The following ZFHX4 variants were observed in gnomAD, a reference collection of about 807,000 sequenced individuals.
ZFHX4 encodes the protein zinc finger homeobox 4.
In ZFHX4, 56 loss-of-function variants were observed where a neutral mutation model predicts 267.6. That is an observed-to-expected ratio of 0.21 (90% confidence interval 0.17 to 0.26). ZFHX4 has a LOEUF of 0.26. Among genes scored for constraint, ZFHX4 ranks in the 10% least tolerant of loss-of-function variants. The pLI is 1.00. For missense variants in ZFHX4, 4,332 were observed against 4,420.0 expected, an observed-to-expected ratio of 0.98 and a Z score of 0.56; for synonymous variants, 1,778 against 1,665.6, an observed-to-expected ratio of 1.07 and a Z score of -1.64.
At chr8:76,786,380 T>C (rs1181328879) in intron 4 of ZFHX4, among the ~76,000 whole-genome samples, 3 of 150,654 alleles carry the variant, frequency 2.0e-5, no homozygotes, top group Non-Finnish European at 4.4e-5. Context: ...AAGTATCTAG[T>C]ATGAAGTTAG....
chr8:76,754,684 CATTT>C (rs1437217062), intron 3 of ZFHX4, among the ~76,000 whole-genome samples: 3 of 152,070 alleles, frequency 2.0e-5, no homozygotes, highest in Admixed American at 2.0e-4. Context: ...AAACATTTGT[CATTT>C]ATTTGTGTTG....
intron 3 of ZFHX4, among the ~76,000 whole-genome samples, chr8:76,724,104 G>A (rs1808793808): frequency 2.0e-5 from 3 of 152,084 alleles, no homozygotes; most frequent in Admixed American, 2.0e-4. Context: ...TGACAAATCT[G>A]AAATGAATAT....
intron 1 of ZFHX4, among the ~76,000 whole-genome samples, chr8:76,699,304 T>C (rs1232085470): frequency 6.6e-6 from 1 of 152,186 alleles, no homozygotes; most frequent in Non-Finnish European, 1.5e-5. Context: ...ATAGTTGGAT[T>C]TGAAACCTTT....
At chr8:76,839,813 G>A (rs920515718) in intron 5 of ZFHX4, among the ~76,000 whole-genome samples, 1 of 151,944 alleles carries the variant, frequency 6.6e-6, no homozygotes, top group Non-Finnish European at 1.5e-5. Flanking sequence ...TACAACTGAG[G>A]ATACGTGGTG....
chr8:76,803,736 G>C (rs1811177689), intron 4 of ZFHX4, among the ~76,000 whole-genome samples: 1 of 152,034 alleles, frequency 6.6e-6, no homozygotes, highest in Non-Finnish European at 1.5e-5. Context: ...AAATAAACAA[G>C]AAAGCCACAA....
At position 76,855,613 on chromosome 8, in the gene ZFHX4, C is replaced by A. The variant is rs752975032; in HGVS notation, c.8692C>A (p.Arg2898Ser). 2 of 1,613,628 alleles carry A rather than the reference C, an allele frequency of 1.2e-6. No homozygotes were observed. The highest frequency in any genetic ancestry group is 2.2e-5 in the East Asian group (1 of 44,846). Reference sequence around the variant, plus strand: ...AGATGACCCGGATGACAACGCCGACCGCAGCGAAACGTCCAGCATAGCGGA... The same window carrying A: ...AGATGACCCGGATGACAACGCCGACAGCAGCGAAACGTCCAGCATAGCGGA... ...ITDDPDDNAD[R>S]SETSSIADPS... The change falls in exon 10 of 11, where the codon CGC (arginine) becomes AGC (serine). Residue 2898 changes from arginine (R) to serine (S), a missense_variant. By Grantham distance (110) the Arg-to-Ser change is moderately radical (BLOSUM62 -1). Coordinates refer to ENST00000651372, the MANE Select transcript of ZFHX4 (RefSeq NM_024721.5).
intron 3 of ZFHX4, among the ~76,000 whole-genome samples, chr8:76,710,472 G>A (rs950110521): frequency 1.3e-5 from 2 of 152,100 alleles, no homozygotes; most frequent in East Asian, 1.9e-4. Flanking sequence ...AAATGAGAAC[G>A]TAACAACTTG....
intron 4 of ZFHX4, among the ~76,000 whole-genome samples, chr8:76,786,840 G>A (rs374470819): frequency 6.6e-6 from 1 of 152,112 alleles, no homozygotes; most frequent in African/African-American, 2.4e-5. Flanking sequence ...CAGCACTTTT[G>A]AGGTTCGGAG....
intron 4 of ZFHX4, among the ~76,000 whole-genome samples, chr8:76,831,448 G>A (rs2131887483): frequency 6.6e-6 from 1 of 152,296 alleles, no homozygotes; most frequent in African/African-American, 2.4e-5. Flanking sequence ...CTGTGGTATA[G>A]TTGACAGAGC....
intron 3 of ZFHX4, among the ~76,000 whole-genome samples, chr8:76,765,472 T>G (rs1459191432): frequency 2.6e-5 from 4 of 152,150 alleles, no homozygotes; most frequent in African/African-American, 9.6e-5. Context: ...ACTCAAATAT[T>G]AATGTTATAC....
intron 4 of ZFHX4, among the ~76,000 whole-genome samples, chr8:76,789,565 G>T (rs1810780859): frequency 6.6e-6 from 1 of 152,068 alleles, no homozygotes. Context: ...TACAGTCAAA[G>T]TAAGCATTTC....
chr8:76,701,801 A>G (rs1377103007), intron 1 of ZFHX4, among the ~76,000 whole-genome samples: 1 of 151,910 alleles, frequency 6.6e-6, no homozygotes, highest in Non-Finnish European at 1.5e-5. Flanking sequence ...ATTAAAGTGA[A>G]TTTTTTTTAC....
At position 76,829,205 on chromosome 8, in the gene ZFHX4, A is replaced by G. The variant is rs936317724; in HGVS notation, c.3326-4133A>G. On this transcript the variant is annotated intron_variant, in intron 4 of 10. Coordinates refer to ENST00000651372, the MANE Select transcript of ZFHX4 (RefSeq NM_024721.5). ...ATATCTAGATTGTTAAAAAATTAAAATTCCAAATATATCCCTGGCCATGAG... is the reference window on the plus strand; with the variant it reads ...ATATCTAGATTGTTAAAAAATTAAAGTTCCAAATATATCCCTGGCCATGAG... Among the ~76,000 whole-genome samples, 4 of 145,778 alleles carry G rather than the reference A, an allele frequency of 2.7e-5. No individual in the cohort carries two copies. The Admixed American group carries it at 2.9e-4, about 11-fold the overall frequency.
At chr8:76,772,229 A>G (rs879612398) in intron 3 of ZFHX4, among the ~76,000 whole-genome samples, 1 of 152,182 alleles carries the variant, frequency 6.6e-6, no homozygotes, top group Non-Finnish European at 1.5e-5. Context: ...GAGGATGAGT[A>G]AAAAGGGAGG....
chr8:76,813,586 T>G (rs1811430875), intron 4 of ZFHX4, among the ~76,000 whole-genome samples: 1 of 152,204 alleles, frequency 6.6e-6, no homozygotes, highest in African/African-American at 2.4e-5. Flanking sequence ...ATATTACATT[T>G]TATGAAGTTG....
At chr8:76,779,818 T>C (rs1810502079) in intron 4 of ZFHX4, among the ~76,000 whole-genome samples, 2 of 152,086 alleles carry the variant, frequency 1.3e-5, no homozygotes, top group African/African-American at 2.4e-5. Context: ...TATAAAGATA[T>C]TTCATATGTG....
chr8:76,705,848 C>T lies in ZFHX4; in HGVS notation c.1760C>T (p.Thr587Ile). ...CGGGGAGACGAAGACAGTTCAGCCA[C>T]TCCTCACCAGCATGGCTTTACCCCG... ...IARGDEDSSA[T>I]PHQHGFTPST... The change falls in exon 2 of 11, where the codon ACT (threonine) becomes ATT (isoleucine). Residue 587 changes from threonine (T) to isoleucine (I), a missense_variant. This residue lies in a region of ZFHX4 where 1,195 missense variants were observed against 1,173.6 expected (regional missense o/e 1.02). Transcript: ENST00000651372. 1 of 1,613,936 alleles carries T rather than the reference C, an allele frequency of 6.2e-7. No homozygotes were observed. The highest frequency in any genetic ancestry group is 8.5e-7 in the Non-Finnish European group (1 of 1,179,880).
chr8:76,757,840 G>C (rs557818415), intron 3 of ZFHX4, among the ~76,000 whole-genome samples: 168 of 152,190 alleles, frequency 1.1e-3, no homozygotes, highest in African/African-American at 3.7e-3. Context: ...ACAATGAAGG[G>C]AGTCTTAGTG....
At position 76,851,300 on chromosome 8, in the gene ZFHX4, A is replaced by G. The variant is rs1331797482; in HGVS notation, c.4379A>G (p.Tyr1460Cys). Residue 1460 changes from tyrosine to cysteine, a missense_variant, in exon 10 of 11, where the codon TAT (tyrosine) becomes TGT (cysteine). Around this residue, in one of 7 missense-constraint regions of ZFHX4, gnomAD observed 1,371 missense variants for 1,423.1 expected, o/e 0.96. Coordinates refer to ENST00000651372, the MANE Select transcript of ZFHX4 (RefSeq NM_024721.5). ...AGTGAAGCTGAACTTCAACAGCTAT[A>G]TGCCTCCTTGCCCGTGAATGGAGAA... is the stretch of plus-strand genomic sequence containing the variant. ...ELSEAELQQL[Y>C]ASLPVNGELW... 2.5e-6 allele frequency: 4 copies of G among 1,613,816 alleles called. No homozygotes were observed. Among genetic ancestry groups the G allele is most frequent in the East Asian group, 2.2e-5 (1 of 44,814 alleles).
Sources: gnomAD v4.1 joint callset for allele counts (sites outside exome capture counted in the v4.1 genomes callset) on GRCh38, gnomAD v4.1.1 for gene constraint, gnomAD v4.1.1 regional missense constraint, MANE v1.5 for transcripts, NCBI Gene and HGNC (gene_info 2026-07-23, HGNC 2026-07-21) for gene names.